Variants in ASXL3 observed in about 807,000 individuals in gnomAD.
The protein encoded by ASXL3 is putative Polycomb group protein ASXL3.
A neutral mutation model predicts 170.6 loss-of-function variants in ASXL3; 34 were observed. The observed-to-expected ratio is 0.20, with a 90% CI of 0.15 to 0.27. The LOEUF (loss-of-function observed/expected upper bound fraction) is 0.27. Among genes scored for constraint, ASXL3 ranks in the 10% least tolerant of loss-of-function variants. ASXL3 has a pLI of 1.00. For missense variants in ASXL3, 2,592 were observed against 2,695.3 expected (o/e 0.96, Z 0.85); for synonymous variants, 1,002 against 989.1 (o/e 1.01, Z -0.24).
Position 33,739,630 on chromosome 18 carries a change from T to G in ASXL3, c.2226T>G (p.Phe742Leu). 1 of 1,613,926 alleles carries G rather than the reference T, an allele frequency of 6.2e-7. No individual in the cohort carries two copies. Among genetic ancestry groups the G allele is most frequent in the Non-Finnish European group, 8.5e-7 (1 of 1,179,846 alleles). ...SSMLLTSETT[F>L]VSSLPLPSET... is the part of the protein sequence containing the mutation. ...TGCTTCTCACCTCTGAGACCACTTT[T>G]GTATCCAGTTTGCCACTTCCTTCAG... Residue 742 changes from phenylalanine to leucine, a missense_variant, in exon 11 of 12, where the codon TTT (phenylalanine) becomes TTG (leucine). Coordinates refer to ENST00000269197, the MANE Select transcript of ASXL3 (RefSeq NM_030632.3).
intron 8 of ASXL3, among the ~76,000 whole-genome samples, chr18:33,694,175 T>C (rs1270328609): frequency 6.6e-6 from 1 of 152,088 alleles, no homozygotes; most frequent in Non-Finnish European, 1.5e-5. Flanking sequence ...CAATCCCCCT[T>C]ATGGGAATGT....
At chr18:33,681,108 C>T (rs1368363623) in intron 7 of ASXL3, among the ~76,000 whole-genome samples, 1 of 151,880 alleles carries the variant, frequency 6.6e-6, no homozygotes, top group Non-Finnish European at 1.5e-5. Context: ...CTCTCTTGTT[C>T]CCAGAGCATA....
In ASXL3 at chr18:33,732,012, T is replaced by C. The variant is rs901631238; in HGVS notation, c.924T>C (p.Asn308=). Residue 308 remains asparagine, a synonymous_variant, in exon 9 of 12, where the codon AAT becomes AAC. Transcript: ENST00000269197. ...GILRLSTSAL[N]NEFFAYAAQG... The stretch of plus-strand genomic sequence containing the variant: ...TACGCCTCAGTACTTCAGCTCTAAA[T>C]AATGAATTCTTTGCATATGCAGCAC... 6 of 1,612,918 alleles carry C rather than the reference T, an allele frequency of 3.7e-6. No homozygotes were observed. The highest frequency in any genetic ancestry group is 3.3e-5 in the Admixed American group (2 of 59,718).
At chr18:33,588,652 C>T (rs1464302975) in intron 1 of ASXL3, among the ~76,000 whole-genome samples, 2 of 152,114 alleles carry the variant, frequency 1.3e-5, no homozygotes, top group African/African-American at 2.4e-5. Context: ...AATACACATT[C>T]AGGAGAATCA....
chr18:33,590,248 A>C lies in ASXL3; in HGVS notation c.54+11563A>C, dbSNP rs981105199. Among the ~76,000 whole-genome samples, 17 of 151,938 alleles carry C rather than the reference A, an allele frequency of 1.1e-4. No homozygotes were observed. In the South Asian group the frequency reaches 1.9e-3, roughly 17 times the overall value. The stretch of plus-strand genomic sequence containing the variant: ...GTCCAACCTTAGCCACGACAGCCTA[A>C]AGACAATCTCAGTCTCTTTTCCCCT... On this transcript the variant is annotated intron_variant, in intron 1 of 11. Transcript: ENST00000269197.
chr18:33,619,560 T>C lies in ASXL3; in HGVS notation c.137+11884T>C, dbSNP rs117286709. On this transcript the variant is annotated intron_variant, in intron 2 of 11. Transcript: ENST00000269197. ...CATTTTGGGTAAAGATTTGGGCTTA[T>C]GGACAGCAGCATGACATATTTTAAA... Among the ~76,000 whole-genome samples the C allele has an allele frequency of 1.5e-3, 234 of 152,180 alleles. 4 individuals carry two copies. In the East Asian group the frequency reaches 0.038, roughly 25 times the overall value.
At chr18:33,734,189 T>G in intron 9 of ASXL3, 121 bp from the exon 10 acceptor site, 1 of 533,822 alleles carries the variant, frequency 1.9e-6, no homozygotes, top group East Asian at 3.4e-5. Flanking sequence ...AATGTTATCA[T>G]TATTTGTCCT....
In ASXL3 at chr18:33,578,640, CAA is replaced by C. The variant is rs1599364162; in HGVS notation, c.10_11del (p.Lys4GlufsTer57). The C allele has an allele frequency of 7.3e-7, 1 of 1,361,198 alleles. No individual in the cohort carries two copies. Among genetic ancestry groups the C allele is most frequent in the Non-Finnish European group, 9.7e-7 (1 of 1,030,826 alleles). The allele number at this position is 1,361,198 out of a possible 1,614,324, so 84.3% of individuals were successfully genotyped here. Reference sequence around the variant, plus strand: ...ATCAATGAGATGCAAACATGAAAGACAAGAGGAAGAAGAAGGACCGCACCTGG... The same window carrying C: ...ATCAATGAGATGCAAACATGAAAGACGAGGAAGAAGAAGGACCGCACCTGG... The part of the protein sequence containing the change: MKD[K>X]RKKKDRTWAE... On this transcript the variant is annotated frameshift_variant, in exon 1 of 12. Transcript: ENST00000269197. LOFTEE classifies it high-confidence loss of function.
chr18:33,625,107 A>G (rs1281178393), intron 2 of ASXL3, among the ~76,000 whole-genome samples: 1 of 152,094 alleles, frequency 6.6e-6, no homozygotes, highest in Non-Finnish European at 1.5e-5. Context: ...TTCCCCCAAG[A>G]AATATGGTTT....
At chr18:33,598,349 A>C (rs1451649314) in intron 1 of ASXL3, among the ~76,000 whole-genome samples, 1 of 152,130 alleles carries the variant, frequency 6.6e-6, no homozygotes, top group Non-Finnish European at 1.5e-5. Context: ...TCTATAACAA[A>C]ACTTATTATA....
chr18:33,682,559 T>C (rs1197080984), intron 7 of ASXL3, among the ~76,000 whole-genome samples: 3 of 152,142 alleles, frequency 2.0e-5, no homozygotes, highest in African/African-American at 7.2e-5. Context: ...TTGTATTTTT[T>C]ATTTTTTGAG....
At chr18:33,591,263 T>G (rs756282222) in intron 1 of ASXL3, among the ~76,000 whole-genome samples, 1 of 152,178 alleles carries the variant, frequency 6.6e-6, no homozygotes, top group Non-Finnish European at 1.5e-5. Flanking sequence ...TTTAACACAT[T>G]TTACTTAGCT....
intron 7 of ASXL3, among the ~76,000 whole-genome samples, chr18:33,681,141 T>C (rs1337583737): frequency 6.6e-6 from 1 of 152,134 alleles, no homozygotes; most frequent in Admixed American, 6.5e-5. Flanking sequence ...AGTGCTCTCA[T>C]TTCAATTACA....
At chr18:33,688,903 AAATGTGAAGGCAT>A (rs1308932806) in intron 8 of ASXL3, among the ~76,000 whole-genome samples, 1 of 152,220 alleles carries the variant, frequency 6.6e-6, no homozygotes, top group Non-Finnish European at 1.5e-5. Context: ...AACTTTTAGA[AAATGTGAAGGCAT>A]ATTTGAGAAT....
chr18:33,676,723 T>G (rs1407505260), intron 7 of ASXL3, among the ~76,000 whole-genome samples: 1 of 152,188 alleles, frequency 6.6e-6, no homozygotes, highest in African/African-American at 2.4e-5. Context: ...CTGCTGCAAA[T>G]GCGGTTTGAA....
At chr18:33,732,804 G>A (rs932940407) in intron 9 of ASXL3, among the ~76,000 whole-genome samples, 2 of 149,618 alleles carry the variant, frequency 1.3e-5, no homozygotes, top group Admixed American at 1.3e-4. Context: ...TGCAGTGATC[G>A]ACCTACTGAT....
chr18:33,584,637 C>T (rs2065020970), intron 1 of ASXL3, among the ~76,000 whole-genome samples: 1 of 152,034 alleles, frequency 6.6e-6, no homozygotes, highest in Non-Finnish European at 1.5e-5. Flanking sequence ...AAAAAAAAAT[C>T]AGTAAATTAT....
intron 8 of ASXL3, among the ~76,000 whole-genome samples, chr18:33,726,680 A>G (rs2067357383): frequency 6.6e-6 from 1 of 152,016 alleles, no homozygotes; most frequent in Non-Finnish European, 1.5e-5. Context: ...CACATATGTG[A>G]CTCACCTTTA....
chr18:33,644,464 T>C (rs1410275320), intron 2 of ASXL3, among the ~76,000 whole-genome samples: 1 of 151,392 alleles, frequency 6.6e-6, no homozygotes, highest in South Asian at 2.1e-4. Flanking sequence ...CTCTTGAACT[T>C]GGTGGGTTTT....
Sources: allele counts gnomAD v4.1 joint callset (sites outside exome capture counted in the v4.1 genomes callset), GRCh38; gene constraint gnomAD v4.1.1; transcripts MANE v1.5; gene names NCBI Gene and HGNC (gene_info 2026-07-23, HGNC 2026-07-21).